TBC1D22A: variants seen among roughly 807,000 people sequenced by gnomAD.
TBC1D22A encodes the protein putative GTPase activator.
TBC1D22A carries 38 observed loss-of-function variants against 60.2 expected under a neutral mutation model. The ratio of observed to expected loss-of-function variants is 0.63; its 90% CI spans 0.49 to 0.83. The LOEUF (loss-of-function observed/expected upper bound fraction) is 0.83. Ranked by LOEUF, TBC1D22A falls within the 40% of genes least tolerant of loss-of-function variation. TBC1D22A has a pLI of 0.00. For missense variants in TBC1D22A, 628 were observed against 701.0 expected (o/e 0.90, Z 1.18); for synonymous variants, 302 against 281.7 (o/e 1.07, Z -0.72).
At chr22:46,911,851 A>G (rs1255579720) in intron 7 of TBC1D22A, among the ~76,000 whole-genome samples, 2 of 151,848 alleles carry the variant, frequency 1.3e-5, no homozygotes, top group Non-Finnish European at 2.9e-5. Context: ...CCTGGAAGGC[A>G]GAGGCTGCAG....
chr22:46,975,421 G>T (rs548661717), intron 9 of TBC1D22A, among the ~76,000 whole-genome samples: 1 of 152,248 alleles, frequency 6.6e-6, no homozygotes, highest in Admixed American at 6.5e-5. Context: ...GCGCGGTTTG[G>T]GTCGGTAATC....
chr22:46,772,644 C>CTT (rs75900312), intron 1 of TBC1D22A, among the ~76,000 whole-genome samples: 1 of 110,932 alleles, frequency 9.0e-6, no homozygotes, highest in Non-Finnish European at 1.9e-5. Flanking sequence ...ATGCACCGCA[C>CTT]TTTTTTTTTT....
At chr22:47,004,349 T>C (rs184827900) in intron 10 of TBC1D22A, among the ~76,000 whole-genome samples, 1 of 145,138 alleles carries the variant, frequency 6.9e-6, no homozygotes, top group Non-Finnish European at 1.5e-5. Flanking sequence ...GTCTGCCACA[T>C]ACACATATAC....
At chr22:46,839,150 G>A (rs1270489770) in intron 4 of TBC1D22A, among the ~76,000 whole-genome samples, 3 of 152,164 alleles carry the variant, frequency 2.0e-5, no homozygotes, top group Admixed American at 1.3e-4. Flanking sequence ...CAGTGAAGTG[G>A]CAGGATACAA....
intron 3 of TBC1D22A, among the ~76,000 whole-genome samples, chr22:46,796,360 C>T (rs991127003): frequency 1.3e-5 from 2 of 152,114 alleles, no homozygotes; most frequent in African/African-American, 4.8e-5. Flanking sequence ...TGGGGGTGCT[C>T]TGTGGGAAGG....
At chr22:46,985,478 G>T (rs2074688229) in intron 9 of TBC1D22A, among the ~76,000 whole-genome samples, 2 of 152,150 alleles carry the variant, frequency 1.3e-5, no homozygotes, top group Admixed American at 1.3e-4. Flanking sequence ...CTGACAGAAG[G>T]TTCATTAAGA....
intron 12 of TBC1D22A, among the ~76,000 whole-genome samples, chr22:47,113,424 G>A (rs904629974): frequency 2.3e-4 from 35 of 152,186 alleles, no homozygotes; most frequent in Non-Finnish European, 4.4e-5. Flanking sequence ...GTGGTGGGAG[G>A]TGGGGTGGGA....
At chr22:46,785,200 C>T (rs892568032) in intron 1 of TBC1D22A, among the ~76,000 whole-genome samples, 2 of 152,106 alleles carry the variant, frequency 1.3e-5, no homozygotes, top group African/African-American at 4.8e-5. Flanking sequence ...TAGGAAGACT[C>T]GAGGGCTGGG....
At chr22:46,858,733 T>A (rs1316178603) in intron 4 of TBC1D22A, among the ~76,000 whole-genome samples, 1 of 152,116 alleles carries the variant, frequency 6.6e-6, no homozygotes, top group Non-Finnish European at 1.5e-5. Flanking sequence ...CCATTCCAGA[T>A]GGAAGGGCTA....
chr22:46,919,118 A>C (rs535906741), intron 8 of TBC1D22A, among the ~76,000 whole-genome samples: 1 of 152,322 alleles, frequency 6.6e-6, no homozygotes, highest in South Asian at 2.1e-4. Context: ...CATCATCCCC[A>C]AAAGAAATCC....
chr22:47,149,108 T>C (rs895021771), intron 12 of TBC1D22A, among the ~76,000 whole-genome samples: 1 of 152,110 alleles, frequency 6.6e-6, no homozygotes, highest in African/African-American at 2.4e-5. Flanking sequence ...CGCCGAGTGA[T>C]TGGTGCCCGT....
intron 11 of TBC1D22A, among the ~76,000 whole-genome samples, chr22:47,058,218 T>G (rs1171593328): frequency 2.6e-5 from 4 of 152,150 alleles, no homozygotes; most frequent in Admixed American, 2.6e-4. Flanking sequence ...AGTGGGTCTT[T>G]GTGTCTCAAA....
At chr22:46,950,879 T>C (rs1448498790) in intron 8 of TBC1D22A, among the ~76,000 whole-genome samples, 2 of 152,200 alleles carry the variant, frequency 1.3e-5, no homozygotes, top group African/African-American at 4.8e-5. Flanking sequence ...TTTACCAGTG[T>C]AGTTTTAATT....
chr22:46,789,368 G>T (rs801606), intron 1 of TBC1D22A: 251,288 of 451,768 alleles, frequency 0.56, 70,993 homozygotes, highest in Middle Eastern at 0.69. Flanking sequence ...CTCGTGATCC[G>T]CCCGCCTCGG....
Position 46,841,737 on chromosome 22 carries a change from G to A in TBC1D22A, c.638-36916G>A, listed in dbSNP as rs376448019. On this transcript the variant is annotated intron_variant, in intron 4 of 12. Transcript: ENST00000337137. ...AGAGAGTATAAACTTTCGTTTATAC[G>A]ATGAATCAGTTCTAGGGATCTCATG... 8.5e-5 allele frequency among the ~76,000 whole-genome samples: 13 copies of A among 152,314 alleles called. No homozygotes were observed. The East Asian group carries it at 9.6e-4, about 11-fold the overall frequency.
chr22:47,062,051 G>A (rs982992219), intron 11 of TBC1D22A, among the ~76,000 whole-genome samples: 2 of 128,356 alleles, frequency 1.6e-5, no homozygotes, highest in African/African-American at 6.0e-5. Context: ...TCGCTCTGCT[G>A]CACTCCAGCC....
intron 11 of TBC1D22A, among the ~76,000 whole-genome samples, chr22:47,054,446 T>A (rs567408460): frequency 6.6e-6 from 1 of 152,120 alleles, no homozygotes; most frequent in Non-Finnish European, 1.5e-5. Flanking sequence ...CCGGCCCACT[T>A]CCCACTCTGC....
chr22:47,003,855 GTATACACACACCCACCAGATACA>G (rs2061488026), intron 10 of TBC1D22A, among the ~76,000 whole-genome samples: 1 of 108,204 alleles, frequency 9.2e-6, no homozygotes, highest in Non-Finnish European at 1.9e-5. Context: ...ACACATGCCT[GTATACACACACCCACCAGATACA>G]TATACACACA....
At chr22:46,789,081 T>G (rs754366878) in intron 1 of TBC1D22A, 1 of 166,284 alleles carries the variant, frequency 6.0e-6, no homozygotes, top group African/African-American at 2.4e-5. Context: ...CAGCCACTTT[T>G]CCTAGTTCTA....
Sources: gnomAD v4.1 joint callset for allele counts (sites outside exome capture counted in the v4.1 genomes callset) on GRCh38, gnomAD v4.1.1 for gene constraint, MANE v1.5 for transcripts, NCBI Gene and HGNC (gene_info 2026-07-23, HGNC 2026-07-21) for gene names.